The following SOS1 variants were observed in gnomAD, a reference collection of about 807,000 sequenced individuals.
SOS1 encodes SOS Ras/Rac guanine nucleotide exchange factor 1, also known as son of sevenless homolog 1.
A neutral mutation model predicts 157.6 loss-of-function variants in SOS1; 25 were observed. The observed-to-expected ratio is 0.16, with a 90% CI of 0.12 to 0.22. SOS1 has a LOEUF of 0.22. Among genes scored for constraint, SOS1 ranks in the 10% least tolerant of loss-of-function variants. SOS1 has a pLI of 1.00. For missense variants in SOS1, 1,237 were observed against 1,599.1 expected (o/e 0.77, Z 3.86); for synonymous variants, 528 against 534.0 (o/e 0.99, Z 0.16).
chr2:39,105,099 C>T (rs1395938217), intron 1 of SOS1, among the ~76,000 whole-genome samples: 1 of 152,070 alleles, frequency 6.6e-6, no homozygotes, highest in Non-Finnish European at 1.5e-5. Flanking sequence ...TTAAACAAAA[C>T]ATCTATGAAT....
rs762423654 is a variant in SOS1, at chr2:38,985,486, A to G, written c.*338T>C. On this transcript the variant is annotated 3_prime_UTR_variant, in exon 23 of 23. Coordinates refer to ENST00000402219, the MANE Select transcript of SOS1 (RefSeq NM_005633.4). Reference sequence around the variant, plus strand: ...CTGTCATGTGGGCCTGCTGGACACTAGACTGTGTTTTCCATCCCTTTAATG... The same window carrying G: ...CTGTCATGTGGGCCTGCTGGACACTGGACTGTGTTTTCCATCCCTTTAATG... 6 of 263,240 alleles carry G rather than the reference A, an allele frequency of 2.3e-5. No individual in the cohort carries two copies. The highest frequency in any genetic ancestry group is 4.5e-5 in the Non-Finnish European group (6 of 134,286). 16.3% of individuals were successfully genotyped at this position (263,240 alleles called of 1,614,324 possible).
chr2:39,005,412 G>A (rs1669252452), intron 17 of SOS1, among the ~76,000 whole-genome samples: 1 of 152,090 alleles, frequency 6.6e-6, no homozygotes, highest in Admixed American at 6.6e-5. Context: ...GAAACAATGT[G>A]TCCAATCACA....
chr2:39,037,389 A>T (rs970195866), intron 6 of SOS1, among the ~76,000 whole-genome samples: 2 of 152,130 alleles, frequency 1.3e-5, no homozygotes, highest in African/African-American at 4.8e-5. Context: ...ATACTCAAAA[A>T]TTTTTCAAGA....
At chr2:38,989,896 T>A (rs1274763530) in intron 20 of SOS1, among the ~76,000 whole-genome samples, 3 of 152,054 alleles carry the variant, frequency 2.0e-5, no homozygotes, top group African/African-American at 7.2e-5. Flanking sequence ...TCATTTTACA[T>A]AGGAAATTCT....
rs1668402945 is a variant in SOS1, at chr2:38,981,681, T to C, written c.*4143A>G. 1 of 152,156 alleles carries C rather than the reference T, an allele frequency of 6.6e-6. No homozygotes were observed. The highest frequency in any genetic ancestry group is 2.1e-4 in the South Asian group (1 of 4,828). 9.4% of individuals were successfully genotyped at this position (152,156 alleles called of 1,614,324 possible). ...GCACACAGAGTACAAAGATTACCTATGAACATGGTTAGGTACAAAGGCCAT... is the reference window on the plus strand; with the variant it reads ...GCACACAGAGTACAAAGATTACCTACGAACATGGTTAGGTACAAAGGCCAT... On this transcript the variant is annotated 3_prime_UTR_variant, in exon 23 of 23. Coordinates refer to ENST00000402219, the MANE Select transcript of SOS1 (RefSeq NM_005633.4).
intron 2 of SOS1, among the ~76,000 whole-genome samples, chr2:39,064,181 T>C (rs1671509739): frequency 6.6e-6 from 1 of 152,198 alleles, no homozygotes; most frequent in African/African-American, 2.4e-5. Context: ...TGTACATGTA[T>C]ATCATGTACA....
chr2:39,024,784 A>G (rs1258798117), intron 8 of SOS1, among the ~76,000 whole-genome samples: 1 of 152,222 alleles, frequency 6.6e-6, no homozygotes, highest in Non-Finnish European at 1.5e-5. Flanking sequence ...GGTAACACAC[A>G]ATGTAAGTGT....
At chr2:39,100,210 T>C (rs1672914280) in intron 1 of SOS1, among the ~76,000 whole-genome samples, 1 of 152,168 alleles carries the variant, frequency 6.6e-6, no homozygotes, top group Non-Finnish European at 1.5e-5. Context: ...CCTTGTAGAC[T>C]GTGGATGGGA....
intron 1 of SOS1, among the ~76,000 whole-genome samples, chr2:39,077,803 CTG>C (rs1166601804): frequency 2.0e-5 from 3 of 152,094 alleles, no homozygotes; most frequent in African/African-American, 7.2e-5. Context: ...TAAAAACCAA[CTG>C]AAGATGGATC....
At chr2:39,023,894 G>C in intron 9 of SOS1, 116 bp downstream of exon 9, 2 of 733,028 alleles carry the variant, frequency 2.7e-6, no homozygotes, top group South Asian at 3.3e-5. Flanking sequence ...TAAAAGACCA[G>C]GCTTGTCACT....
At chr2:39,103,327 G>A (rs1310277964) in intron 1 of SOS1, among the ~76,000 whole-genome samples, 2 of 152,028 alleles carry the variant, frequency 1.3e-5, no homozygotes, top group Non-Finnish European at 2.9e-5. Flanking sequence ...TCACAGAGCT[G>A]CAAGGGACAC....
At chr2:39,006,338 TATTC>T in intron 17 of SOS1, 70 bp downstream of exon 17, 1 of 815,958 alleles carries the variant, frequency 1.2e-6, no homozygotes, top group East Asian at 2.4e-5. Flanking sequence ...CACATGTAAT[TATTC>T]AGTCATTTAA....
At chr2:38,992,050 CAT>C (rs1426834453) in intron 20 of SOS1, among the ~76,000 whole-genome samples, 2 of 152,134 alleles carry the variant, frequency 1.3e-5, no homozygotes, top group Admixed American at 6.6e-5. Context: ...GTTGGGATGA[CAT>C]ATGACTGCAG....
At chr2:39,045,605 A>G (rs1670750711) in intron 6 of SOS1, among the ~76,000 whole-genome samples, 1 of 152,006 alleles carries the variant, frequency 6.6e-6, no homozygotes, top group Admixed American at 6.6e-5. Flanking sequence ...TACAGGTTTG[A>G]TTAGTTTTTA....
At chr2:39,035,009 A>C in intron 8 of SOS1, among the ~76,000 whole-genome samples, 1 of 152,210 alleles carries the variant, frequency 6.6e-6, no homozygotes, top group East Asian at 1.9e-4. Flanking sequence ...AAAAATTAAA[A>C]AACAACAAAA....
intron 15 of SOS1, 72 bp from the exon 16 acceptor site, chr2:39,007,265 TAAATA>T (rs1669310857): frequency 3.0e-6 from 3 of 983,908 alleles, no homozygotes; most frequent in Middle Eastern, 2.9e-4. Flanking sequence ...AAGAATTTAG[TAAATA>T]AAATAATGTA....
chr2:39,034,688 A>G (rs1670282668), intron 8 of SOS1: 1 of 375,464 alleles, frequency 2.7e-6, no homozygotes, highest in Non-Finnish European at 5.5e-6. Context: ...CTGAGATTAC[A>G]GAAATTTATT....
chr2:39,107,641 C>T (rs1274384455), intron 1 of SOS1, among the ~76,000 whole-genome samples: 2 of 149,502 alleles, frequency 1.3e-5, no homozygotes, highest in African/African-American at 2.5e-5. Flanking sequence ...CAAAGGCTCC[C>T]CTTGAAGCAT....
chr2:39,025,035 T>G (rs144009830), intron 8 of SOS1, among the ~76,000 whole-genome samples: 26 of 152,310 alleles, frequency 1.7e-4, no homozygotes, highest in African/African-American at 6.0e-4. Context: ...AAGCAAGCAC[T>G]TAACAGATGT....
Sources: gnomAD v4.1 joint callset for allele counts (sites outside exome capture counted in the v4.1 genomes callset) on GRCh38, gnomAD v4.1.1 for gene constraint, MANE v1.5 for transcripts, NCBI Gene and HGNC (gene_info 2026-07-23, HGNC 2026-07-21) for gene names.